GAN: variants seen among roughly 807,000 people sequenced by gnomAD.
The protein encoded by GAN is epididymis secretory sperm binding protein.
A neutral mutation model predicts 71.3 loss-of-function variants in GAN; 48 were observed. The observed-to-expected ratio is 0.67, with a 90% CI of 0.53 to 0.86. The LOEUF (loss-of-function observed/expected upper bound fraction) is 0.86. GAN is among the 40% of genes least tolerant of loss of function. The probability of loss-of-function intolerance (pLI) is 0.00; values close to 1 mark genes in which losing one functional copy is unlikely to be tolerated. For missense variants in GAN, 928 were observed against 770.1 expected (o/e 1.21, Z -2.43); for synonymous variants, 386 against 276.8 (o/e 1.39, Z -3.92).
At chr16:81,375,680 A>G (rs1369355659) in intron 9 of GAN, among the ~76,000 whole-genome samples, 1 of 152,000 alleles carries the variant, frequency 6.6e-6, no homozygotes, top group African/African-American at 2.4e-5. Context: ...AGAACATAAA[A>G]TGGGGCTGGG....
chr16:81,315,128 T>C lies in GAN; in HGVS notation c.15T>C (p.Ser5=). The change falls in exon 1 of 11, where the codon AGT becomes AGC. Residue 5 remains serine (S), a synonymous_variant. Transcript: ENST00000648994. ...CGGGCGCCGCGATGGCTGAGGGCAG[T>C]GCCGTGTCTGACCCTCAGCACGCCG... is the stretch of plus-strand genomic sequence containing the variant. MAEG[S]AVSDPQHAAR... is the part of the protein sequence containing the mutation. 1 of 1,520,264 alleles carries C rather than the reference T, an allele frequency of 6.6e-7. No individual in the cohort carries two copies. The highest frequency in any genetic ancestry group is 8.8e-7 in the Non-Finnish European group (1 of 1,134,446). 94.2% of individuals were successfully genotyped at this position (1,520,264 alleles called of 1,614,324 possible).
At chr16:81,327,133 GAGA>G (rs1346263901) in intron 1 of GAN, among the ~76,000 whole-genome samples, 2 of 152,246 alleles carry the variant, frequency 1.3e-5, no homozygotes, top group African/African-American at 2.4e-5. Context: ...AGAAAGCTGA[GAGA>G]AGAAGAGACC....
intron 1 of GAN, among the ~76,000 whole-genome samples, chr16:81,319,026 A>C (rs1909137453): frequency 6.6e-6 from 1 of 151,984 alleles, no homozygotes; most frequent in South Asian, 2.1e-4. Context: ...ACCTAAAAGT[A>C]GTTGACAGGC....
Position 81,354,733 on chromosome 16 carries a change from C to T in GAN, c.611C>T (p.Ala204Val). 6.3e-7 allele frequency: 1 copy of T among 1,592,662 alleles called. No individual in the cohort carries two copies. The highest frequency in any genetic ancestry group is 8.6e-7 in the Non-Finnish European group (1 of 1,160,442). Residue 204 changes from alanine (A) to valine (V), a missense_variant, in exon 3 of 11, where the codon GCA becomes GTA. By Grantham distance (64) the Ala-to-Val change is moderately conservative (BLOSUM62 0). Transcript: ENST00000648994. The stretch of plus-strand genomic sequence containing the variant: ...TTTGAAGCAGTAATTCGATGGATAG[C>T]ACATGATACAGAAATAAGAAAGGTA... ...YVFEAVIRWI[A>V]HDTEIRKVHM...
At chr16:81,334,572 C>T (rs946681013) in intron 1 of GAN, among the ~76,000 whole-genome samples, 7 of 152,310 alleles carry the variant, frequency 4.6e-5, no homozygotes, top group East Asian at 3.9e-4. Flanking sequence ...CCCTAGAGTC[C>T]GGTTCCCATT....
chr16:81,369,686 G>T (rs887191422), intron 9 of GAN, among the ~76,000 whole-genome samples: 10 of 152,158 alleles, frequency 6.6e-5, no homozygotes, highest in African/African-American at 2.4e-4. Flanking sequence ...CCACCTGCCG[G>T]GTTCACACCA....
chr16:81,371,135 A>G (rs1460113358), intron 9 of GAN, among the ~76,000 whole-genome samples: 1 of 152,168 alleles, frequency 6.6e-6, no homozygotes, highest in Non-Finnish European at 1.5e-5. Flanking sequence ...TATTTATGTT[A>G]GTAATTCTAA....
At chr16:81,357,737 A>G in intron 4 of GAN, 73 bp from the exon 5 acceptor site, 1 of 1,358,510 alleles carries the variant, frequency 7.4e-7, no homozygotes, top group Non-Finnish European at 1.1e-6. Context: ...AGTAAACTAA[A>G]ACTAGTGATG....
Position 81,379,568 on chromosome 16 carries a change from A to T in GAN, c.*1972A>T, listed in dbSNP as rs1025242800. Reference sequence around the variant, plus strand: ...GAGATCTTTTTAATGAAAGCAAACTATGTGGCCTCTGCAAAGAAAGGAAGA... The same window carrying T: ...GAGATCTTTTTAATGAAAGCAAACTTTGTGGCCTCTGCAAAGAAAGGAAGA... On this transcript the variant is annotated 3_prime_UTR_variant, in exon 11 of 11. Coordinates refer to ENST00000648994, the MANE Select transcript of GAN (RefSeq NM_022041.4). The T allele has an allele frequency of 6.6e-6, 1 of 152,058 alleles. No individual in the cohort carries two copies. The highest frequency in any genetic ancestry group is 1.5e-5 in the Non-Finnish European group (1 of 68,004). The allele number at this position is 152,058 out of a possible 1,614,324, so 9.4% of individuals were successfully genotyped here. A position where few individuals can be genotyped will look rare whatever the true frequency, so the allele number is the denominator to read the frequency against.
rs1904296451 is a variant in GAN, at chr16:81,379,816, C to T, written c.*2220C>T. On this transcript the variant is annotated 3_prime_UTR_variant, in exon 11 of 11. Transcript: ENST00000648994. The stretch of plus-strand genomic sequence containing the variant: ...AGTTTTTTTTCCAGTCTACACCAGG[C>T]CTCTCCAAGGAGACAGTTCATTATT... 1.3e-5 allele frequency: 2 copies of T among 152,110 alleles called. No homozygotes were observed. The highest frequency in any genetic ancestry group is 4.8e-5 in the African/African-American group (2 of 41,424). 9.4% of individuals were successfully genotyped at this position (152,110 alleles called of 1,614,324 possible).
intron 2 of GAN, among the ~76,000 whole-genome samples, chr16:81,352,750 G>A (rs540687423): frequency 6.6e-6 from 1 of 152,306 alleles, no homozygotes; most frequent in Admixed American, 6.5e-5. Context: ...GGGTGGGTGT[G>A]TACGTGTATG....
At chr16:81,365,583 G>C (rs1910828400) in intron 9 of GAN, 105 bp downstream of exon 9, 2 of 1,125,942 alleles carry the variant, frequency 1.8e-6, no homozygotes, top group African/African-American at 1.5e-5. Flanking sequence ...TTAAATTATG[G>C]ATTTAGGAGA....
At chr16:81,365,708 G>A (rs1440803275) in intron 9 of GAN, among the ~76,000 whole-genome samples, 8 of 151,342 alleles carry the variant, frequency 5.3e-5, no homozygotes, top group Admixed American at 5.3e-4. Context: ...ACGCTTAGTT[G>A]CTTAAAATCA....
At chr16:81,352,323 G>T (rs764901240) in intron 2 of GAN, among the ~76,000 whole-genome samples, 3 of 152,224 alleles carry the variant, frequency 2.0e-5, no homozygotes, top group East Asian at 3.9e-4. Context: ...AATGATAAAC[G>T]ATCAGACTTC....
At chr16:81,373,447 C>CT (rs1911096682) in intron 9 of GAN, among the ~76,000 whole-genome samples, 1 of 152,158 alleles carries the variant, frequency 6.6e-6, no homozygotes, top group Non-Finnish European at 1.5e-5. Context: ...AAATAAAAAA[C>CT]TTTTATTTTG....
intron 1 of GAN, among the ~76,000 whole-genome samples, chr16:81,330,642 C>T (rs1412764772): frequency 1.3e-5 from 2 of 152,166 alleles, no homozygotes; most frequent in East Asian, 1.9e-4. Flanking sequence ...TGAAGTACCA[C>T]AGTTATTGTT....
intron 1 of GAN, among the ~76,000 whole-genome samples, chr16:81,349,791 T>G (rs540418015): frequency 6.6e-6 from 1 of 152,308 alleles, no homozygotes; most frequent in East Asian, 1.9e-4. Context: ...AAGTTCTCCC[T>G]GTAACTCACT....
chr16:81,366,224 G>T (rs1910852609), intron 9 of GAN, among the ~76,000 whole-genome samples: 1 of 152,142 alleles, frequency 6.6e-6, no homozygotes, highest in Non-Finnish European at 1.5e-5. Flanking sequence ...CAACTTCAGG[G>T]CAAGGTCCAC....
chr16:81,325,128 T>G (rs1909342532), intron 1 of GAN, among the ~76,000 whole-genome samples: 1 of 152,226 alleles, frequency 6.6e-6, no homozygotes, highest in South Asian at 2.1e-4. Flanking sequence ...TCATCACACT[T>G]ACAGTAGGCA....
Sources: allele counts gnomAD v4.1 joint callset (sites outside exome capture counted in the v4.1 genomes callset), GRCh38; gene constraint gnomAD v4.1.1; transcripts MANE v1.5; gene names NCBI Gene and HGNC (gene_info 2026-07-23, HGNC 2026-07-21).